Variants in PGAP4 observed in about 807,000 individuals in gnomAD.
PGAP4 encodes GPI-N-acetylgalactosamine transferase PGAP4.
In PGAP4, 12 loss-of-function variants were observed where a neutral mutation model predicts 28.2. The observed-to-expected ratio is 0.42, with a 90% confidence interval of 0.27 to 0.69. The LOEUF (loss-of-function observed/expected upper bound fraction) is 0.69, where lower values mean the gene tolerates loss of function less well. Among genes scored for constraint, PGAP4 ranks in the 30% least tolerant of loss-of-function variants. The pLI, the probability that PGAP4 is intolerant of heterozygous loss-of-function variation, is 0.22. For missense variants in PGAP4, 425 were observed against 513.5 expected, an observed-to-expected ratio of 0.83 and a Z score of 1.67; for synonymous variants, 205 against 211.8, an observed-to-expected ratio of 0.97 and a Z score of 0.28.
chr9:101,491,169 A>G (rs1287224102), upstream of PGAP4, among the ~76,000 whole-genome samples: 1 of 152,192 alleles, frequency 6.6e-6, no homozygotes, highest in Non-Finnish European at 1.5e-5. Flanking sequence ...GTGGTAGAGC[A>G]AGGCAATGGT....
chr9:101,493,251 TCA>T (rs1826707873), intron 2 of PGAP4, among the ~76,000 whole-genome samples: 3 of 99,646 alleles, frequency 3.0e-5, no homozygotes, highest in Admixed American at 1.0e-4. Context: ...AGACTCCATC[TCA>T]AAAAAAAAAA....
chr9:101,495,536 C>T (rs1055978400), intron 2 of PGAP4, among the ~76,000 whole-genome samples: 13 of 143,320 alleles, frequency 9.1e-5, no homozygotes, highest in Non-Finnish European at 1.8e-4. Context: ...GTCAGAAAGA[C>T]CTAATTTAGG....
chr9:101,495,703 A>AT (rs1203060971), intron 2 of PGAP4, among the ~76,000 whole-genome samples: 5 of 149,962 alleles, frequency 3.3e-5, no homozygotes, highest in African/African-American at 4.9e-5. Flanking sequence ...TAAAAGGGTT[A>AT]TTTTTTTTAC....
At chr9:101,518,708 C>T (rs900501193) in intron 2 of PGAP4, among the ~76,000 whole-genome samples, 1 of 152,146 alleles carries the variant, frequency 6.6e-6, no homozygotes, top group African/African-American at 2.4e-5. Flanking sequence ...TATTTATCCA[C>T]TCATTGATTG....
intron 2 of PGAP4, among the ~76,000 whole-genome samples, chr9:101,499,832 G>T (rs1187187495): frequency 2.0e-5 from 3 of 152,142 alleles, no homozygotes; most frequent in African/African-American, 7.2e-5. Flanking sequence ...GCATGAGGGG[G>T]TGACTACTTG....
intron 2 of PGAP4, among the ~76,000 whole-genome samples, chr9:101,494,832 T>C (rs58159499): frequency 0.17 from 25,455 of 151,350 alleles, 2,247 homozygotes; most frequent in East Asian, 0.23. Context: ...GTATGTAGCA[T>C]TTTAAGATAA....
chr9:101,511,023 C>T (rs1318439888), intron 2 of PGAP4, among the ~76,000 whole-genome samples: 1 of 152,186 alleles, frequency 6.6e-6, no homozygotes, highest in Non-Finnish European at 1.5e-5. Flanking sequence ...TCTGTATTTG[C>T]AGCTGCTCCC....
intron 2 of PGAP4, among the ~76,000 whole-genome samples, chr9:101,504,838 A>G (rs185523584): frequency 2.6e-5 from 4 of 152,194 alleles, no homozygotes; most frequent in Admixed American, 2.6e-4. Context: ...AAGTTGGTCA[A>G]GGGAATCTCA....
At chr9:101,495,179 AT>A (rs1281748113) in intron 2 of PGAP4, among the ~76,000 whole-genome samples, 5 of 104,112 alleles carry the variant, frequency 4.8e-5, no homozygotes, top group East Asian at 2.5e-4. Context: ...TATTATATAT[AT>A]TTTTTGTATA....
intron 2 of PGAP4, among the ~76,000 whole-genome samples, chr9:101,495,576 T>A (rs1826739616): frequency 6.8e-6 from 1 of 147,000 alleles, no homozygotes; most frequent in African/African-American, 2.5e-5. Flanking sequence ...CTACCAAAGA[T>A]GTCAAAGGTT....
At chr9:101,484,093 C>T (rs1051106972) in intron 1 of PGAP4, among the ~76,000 whole-genome samples, 1 of 152,136 alleles carries the variant, frequency 6.6e-6, no homozygotes. Flanking sequence ...CATAACGATC[C>T]TACTTCTAGG....
chr9:101,504,209 G>GTTTTTTT (rs3081858), intron 2 of PGAP4, among the ~76,000 whole-genome samples: 14 of 22,702 alleles, frequency 6.2e-4, no homozygotes, highest in East Asian at 1.9e-3. Context: ...GTGTGTGTTT[G>GTTTTTTT]TTTTTTTTTT....
chr9:101,475,975 T>A lies in PGAP4; in HGVS notation c.1118A>T (p.Lys373Met). The change falls in exon 2 of 2, where the codon AAG becomes ATG. Residue 373 changes from lysine (K) to methionine (M), a missense_variant. By Grantham distance (95) the Lys-to-Met change is moderately conservative. Coordinates refer to ENST00000374848, the MANE Select transcript of PGAP4 (RefSeq NM_032342.3). The part of the protein sequence containing the change: ...DMALYSLLRA[K>M]GERAYVVEPN... ...CTCCACTACATAGGCCCTCTCTCCC[T>A]TGGCCCTCAACAGCGAGTACAGTGC... 1.9e-6 allele frequency: 3 copies of A among 1,614,238 alleles called. No homozygotes were observed. In the African/African-American group the frequency reaches 4.0e-5, roughly 22 times the overall value.
At chr9:101,523,506 T>C (rs1169626658) in intron 2 of PGAP4, among the ~76,000 whole-genome samples, 1 of 151,528 alleles carries the variant, frequency 6.6e-6, no homozygotes, top group Non-Finnish European at 1.5e-5. Flanking sequence ...GTTGAGACTT[T>C]CCTGAGCATT....
intron 2 of PGAP4, among the ~76,000 whole-genome samples, chr9:101,499,670 T>C (rs896226984): frequency 6.6e-6 from 1 of 152,084 alleles, no homozygotes; most frequent in African/African-American, 2.4e-5. Context: ...ATGGCCTTTG[T>C]GCAAAGTTGT....
At chr9:101,501,754 G>A in intron 2 of PGAP4, 1 of 518,916 alleles carries the variant, frequency 1.9e-6, no homozygotes, top group Non-Finnish European at 3.8e-6. Flanking sequence ...TATTCTTTCT[G>A]TCCCAACTAA....
At chr9:101,483,871 C>T (rs760067123) in intron 1 of PGAP4, among the ~76,000 whole-genome samples, 11 of 152,036 alleles carry the variant, frequency 7.2e-5, no homozygotes, top group Non-Finnish European at 7.4e-5. Context: ...CATTAATAAA[C>T]AGAAAAATAA....
In PGAP4 at chr9:101,487,111, C is replaced by G. The variant is rs1368080743; in HGVS notation, c.-240G>C. ...GCCGGAGCCTCACCTCCTCCCGCCT[C>G]GCAGCTCAGGCGCAGGGCTCCCCTT... On this transcript the variant is annotated 5_prime_UTR_variant, in exon 1 of 2. Coordinates refer to ENST00000374848, the MANE Select transcript of PGAP4 (RefSeq NM_032342.3). 1 of 152,252 alleles carries G rather than the reference C, an allele frequency of 6.6e-6. No homozygotes were observed. Among genetic ancestry groups the G allele is most frequent in the African/African-American group, 2.4e-5 (1 of 41,464 alleles). 9.4% of individuals were successfully genotyped at this position (152,252 alleles called of 1,614,324 possible). A position where few individuals can be genotyped will look rare whatever the true frequency, so the allele number is the denominator to read the frequency against.
chr9:101,479,202 A>T (rs1357397538), intron 1 of PGAP4, among the ~76,000 whole-genome samples: 1 of 152,244 alleles, frequency 6.6e-6, no homozygotes, highest in Non-Finnish European at 1.5e-5. Context: ...TTAACAAACC[A>T]TGTGGTTGAA....
Sources: allele counts gnomAD v4.1 joint callset (sites outside exome capture counted in the v4.1 genomes callset), GRCh38; gene constraint gnomAD v4.1.1; transcripts MANE v1.5; gene names NCBI Gene and HGNC (gene_info 2026-07-23, HGNC 2026-07-21).